Variants in NEGR1 observed in about 807,000 individuals in gnomAD.
The protein encoded by NEGR1 is neuronal growth regulator 1.
Under a neutral mutation model 40.9 loss-of-function variants are expected in NEGR1, and 10 were observed. That is an observed-to-expected ratio of 0.24 (90% CI 0.15 to 0.42). NEGR1 has a LOEUF of 0.42. Among genes scored for constraint, NEGR1 ranks in the 10% least tolerant of loss-of-function variants. The probability of loss-of-function intolerance (pLI) is 1.00; values close to 1 mark genes in which losing one functional copy is unlikely to be tolerated. For synonymous variants in NEGR1, 185 were observed against 166.8 expected (o/e 1.11, Z -0.84); for missense variants, 352 against 438.9 (o/e 0.80, Z 1.77).
chr1:72,015,946 G>A (rs1347446198), intron 1 of NEGR1, among the ~76,000 whole-genome samples: 1 of 152,032 alleles, frequency 6.6e-6, no homozygotes, highest in African/African-American at 2.4e-5. Context: ...CGCAAATCTA[G>A]GCTAACATTT....
chr1:71,484,787 G>T (rs1037443269), intron 6 of NEGR1: 3 of 151,596 alleles, frequency 2.0e-5, no homozygotes, highest in Non-Finnish European at 4.4e-5. Context: ...TCTTTGCAGG[G>T]ATGAAGAAAC....
chr1:72,043,593 C>T (rs749008419), intron 1 of NEGR1, among the ~76,000 whole-genome samples: 2 of 151,864 alleles, frequency 1.3e-5, no homozygotes, highest in Admixed American at 6.6e-5. Flanking sequence ...ACACTGCATT[C>T]TCTAAAATGA....
chr1:71,736,070 T>C (rs1364222327), intron 3 of NEGR1, among the ~76,000 whole-genome samples: 2 of 152,076 alleles, frequency 1.3e-5, no homozygotes, highest in African/African-American at 4.8e-5. Flanking sequence ...TTACCCTCAG[T>C]GTAGAAAGCT....
At chr1:72,260,075 T>C (rs1344919048) in intron 1 of NEGR1, among the ~76,000 whole-genome samples, 2 of 152,126 alleles carry the variant, frequency 1.3e-5, no homozygotes, top group Non-Finnish European at 2.9e-5. Context: ...ACAAATTTCC[T>C]TTCTGCTCCT....
chr1:71,841,025 C>A (rs1022884495), intron 2 of NEGR1, among the ~76,000 whole-genome samples: 2 of 152,056 alleles, frequency 1.3e-5, no homozygotes, highest in Non-Finnish European at 2.9e-5. Flanking sequence ...GACTTGCCAA[C>A]CTCCACAATC....
intron 6 of NEGR1, among the ~76,000 whole-genome samples, chr1:71,548,959 G>T (rs760432885): frequency 2.6e-5 from 4 of 151,726 alleles, no homozygotes; most frequent in Non-Finnish European, 5.9e-5. Context: ...TTTCATATGA[G>T]TCTGTGTGGA....
chr1:71,512,138 C>A (rs7551351), intron 6 of NEGR1, among the ~76,000 whole-genome samples: 19,904 of 152,086 alleles, frequency 0.13, 1,891 homozygotes, highest in African/African-American at 0.26. Context: ...TCAACATACA[C>A]AACTTTCTTT....
At chr1:72,208,550 C>T (rs1653489801) in intron 1 of NEGR1, among the ~76,000 whole-genome samples, 1 of 151,272 alleles carries the variant, frequency 6.6e-6, no homozygotes, top group African/African-American at 2.4e-5. Flanking sequence ...AATAAGGCTT[C>T]TTTAAGTCAA....
chr1:72,128,377 T>C (rs1247750880), intron 1 of NEGR1, among the ~76,000 whole-genome samples: 2 of 152,108 alleles, frequency 1.3e-5, no homozygotes, highest in African/African-American at 2.4e-5. Context: ...CAGCAATAAA[T>C]CATGAAACTT....
intron 4 of NEGR1, among the ~76,000 whole-genome samples, chr1:71,694,349 C>T (rs919927968): frequency 1.3e-5 from 2 of 151,568 alleles, no homozygotes; most frequent in Admixed American, 6.6e-5. Context: ...ACAAGAAATA[C>T]ACGCATACAC....
At chr1:71,466,747 CA>C (rs1334896191) in intron 6 of NEGR1, among the ~76,000 whole-genome samples, 1 of 152,002 alleles carries the variant, frequency 6.6e-6, no homozygotes, top group African/African-American at 2.4e-5. Context: ...GGAGAGTAAG[CA>C]AGGGTTTTGA....
intron 1 of NEGR1, among the ~76,000 whole-genome samples, chr1:72,227,630 C>T (rs1345265773): frequency 2.0e-5 from 3 of 152,042 alleles, no homozygotes; most frequent in Non-Finnish European, 4.4e-5. Context: ...TTAGACTCTT[C>T]CTTTACCATA....
chr1:71,778,534 A>G (rs928877005), intron 2 of NEGR1, among the ~76,000 whole-genome samples: 5 of 152,192 alleles, frequency 3.3e-5, no homozygotes, highest in African/African-American at 4.8e-5. Flanking sequence ...TAACCTTATC[A>G]TAACATGAGG....
At chr1:71,702,738 A>C (rs995962008) in intron 3 of NEGR1, among the ~76,000 whole-genome samples, 1 of 151,456 alleles carries the variant, frequency 6.6e-6, no homozygotes, top group Non-Finnish European at 1.5e-5. Flanking sequence ...AAAAAAAAAA[A>C]AAAACACTTT....
chr1:72,200,137 A>G lies in NEGR1; in HGVS notation c.176+82182T>C, dbSNP rs1052337074. 3.3e-5 allele frequency among the ~76,000 whole-genome samples: 5 copies of G among 152,070 alleles called. No individual in the cohort carries two copies. In the East Asian group the frequency reaches 9.7e-4, roughly 29 times the overall value. On this transcript the variant is annotated intron_variant, in intron 1 of 6. Coordinates refer to ENST00000357731, the MANE Select transcript of NEGR1 (RefSeq NM_173808.3). ...GTGGAAGTTTCTCAAAGAACTTAGA[A>G]CTATAATTTGACCTAGCAATCCTAC... is the stretch of plus-strand genomic sequence containing the variant.
At chr1:71,428,165 A>G (rs529963627) in intron 6 of NEGR1, among the ~76,000 whole-genome samples, 16 of 152,344 alleles carry the variant, frequency 1.1e-4, no homozygotes, top group African/African-American at 3.6e-4. Flanking sequence ...ATGTGTTTAT[A>G]GGATAATAAA....
chr1:72,050,272 C>T (rs1357727232), intron 1 of NEGR1, among the ~76,000 whole-genome samples: 1 of 151,330 alleles, frequency 6.6e-6, no homozygotes, highest in Non-Finnish European at 1.5e-5. Flanking sequence ...TAGTTATATG[C>T]TCACTGTTAT....
chr1:71,907,343 A>T (rs994955606), intron 2 of NEGR1, among the ~76,000 whole-genome samples: 2 of 152,216 alleles, frequency 1.3e-5, no homozygotes, highest in Non-Finnish European at 2.9e-5. Context: ...TGTTGGAAAC[A>T]TCAAATAACT....
intron 4 of NEGR1, among the ~76,000 whole-genome samples, chr1:71,692,196 A>G (rs989840995): frequency 1.1e-4 from 17 of 151,806 alleles, no homozygotes; most frequent in Non-Finnish European, 1.6e-4. Flanking sequence ...AAAGTGTATC[A>G]TCATTGGAGA....
Sources: gnomAD v4.1 joint callset for allele counts (sites outside exome capture counted in the v4.1 genomes callset) on GRCh38, gnomAD v4.1.1 for gene constraint, MANE v1.5 for transcripts, NCBI Gene and HGNC (gene_info 2026-07-23, HGNC 2026-07-21) for gene names.